Variants in SLC35F1 observed in about 807,000 individuals in gnomAD.
SLC35F1 encodes solute carrier family 35 member F1.
A neutral mutation model predicts 48.7 loss-of-function variants in SLC35F1; 14 were observed. The observed-to-expected ratio is 0.29, with a 90% CI of 0.19 to 0.45. The LOEUF (loss-of-function observed/expected upper bound fraction) is 0.45. Ranked by LOEUF, SLC35F1 falls within the 20% of genes least tolerant of loss-of-function variation. SLC35F1 has a pLI of 1.00. For missense variants in SLC35F1, 404 were observed against 500.0 expected, an observed-to-expected ratio of 0.81 and a Z score of 1.83; for synonymous variants, 190 against 202.2, an observed-to-expected ratio of 0.94 and a Z score of 0.51.
intron 1 of SLC35F1, among the ~76,000 whole-genome samples, chr6:117,963,936 C>T (rs1562249663): frequency 1.3e-5 from 2 of 152,190 alleles, no homozygotes; most frequent in Non-Finnish European, 2.9e-5. Context: ...TTAAGCCCCA[C>T]ATGCATTAAG....
At chr6:118,020,093 A>G (rs760326872) in intron 1 of SLC35F1, among the ~76,000 whole-genome samples, 1 of 152,162 alleles carries the variant, frequency 6.6e-6, no homozygotes, top group Non-Finnish European at 1.5e-5. Context: ...ACCCTTTATT[A>G]TCATGGAACT....
At chr6:117,908,272 C>G (rs1221033844) in intron 1 of SLC35F1, among the ~76,000 whole-genome samples, 1 of 152,186 alleles carries the variant, frequency 6.6e-6, no homozygotes, top group Non-Finnish European at 1.5e-5. Context: ...CGCGGGGACC[C>G]GGCCAGGGCT....
intron 1 of SLC35F1, among the ~76,000 whole-genome samples, chr6:117,971,750 C>T (rs1417173451): frequency 1.3e-5 from 2 of 152,210 alleles, no homozygotes; most frequent in African/African-American, 2.4e-5. Context: ...GTACATTGGC[C>T]CCTTTTAGCC....
chr6:118,050,943 A>C (rs900931640), intron 1 of SLC35F1, among the ~76,000 whole-genome samples: 1 of 152,104 alleles, frequency 6.6e-6, no homozygotes, highest in Non-Finnish European at 1.5e-5. Flanking sequence ...AGCTGATGAA[A>C]TCTCATGGAA....
intron 1 of SLC35F1, among the ~76,000 whole-genome samples, chr6:117,939,512 T>G (rs1230243185): frequency 6.6e-6 from 1 of 152,234 alleles, no homozygotes; most frequent in Non-Finnish European, 1.5e-5. Context: ...GATCTTGATC[T>G]TCTGTAACCC....
At chr6:118,070,953 A>ATACTATATATACATAG (rs1772698337) in intron 1 of SLC35F1, among the ~76,000 whole-genome samples, 2 of 89,518 alleles carry the variant, frequency 2.2e-5, no homozygotes, top group African/African-American at 8.3e-5. Context: ...TAGTATATAT[A>ATACTATATATACATAG]TACTGTGTAT....
chr6:118,169,541 C>A (rs1185237176), intron 2 of SLC35F1, among the ~76,000 whole-genome samples: 1 of 152,122 alleles, frequency 6.6e-6, no homozygotes, highest in African/African-American at 2.4e-5. Flanking sequence ...CACTATGAGA[C>A]CCTTACAGAT....
chr6:118,092,710 G>T (rs1000522065), intron 1 of SLC35F1, among the ~76,000 whole-genome samples: 1 of 152,190 alleles, frequency 6.6e-6, no homozygotes, highest in Admixed American at 6.5e-5. Context: ...TGTGCCCTGG[G>T]TGTGAGACAT....
chr6:118,227,297 C>A (rs1775231345), intron 2 of SLC35F1, among the ~76,000 whole-genome samples: 1 of 152,204 alleles, frequency 6.6e-6, no homozygotes, highest in African/African-American at 2.4e-5. Context: ...ATGTAGAAAA[C>A]TGCAACAGGT....
intron 1 of SLC35F1, among the ~76,000 whole-genome samples, chr6:118,061,752 G>T (rs1325232037): frequency 2.0e-5 from 3 of 152,212 alleles, no homozygotes; most frequent in Non-Finnish European, 4.4e-5. Flanking sequence ...GCTGGGGATG[G>T]TTTTGGGATG....
At chr6:118,133,498 T>G (rs1773747505) in intron 1 of SLC35F1, among the ~76,000 whole-genome samples, 1 of 152,202 alleles carries the variant, frequency 6.6e-6, no homozygotes. Context: ...ATAGAAAGGT[T>G]AATCATATTG....
rs576731490 is a variant in SLC35F1 at position 117,917,737 on chromosome 6, G to C, written c.173+9838G>C. 1.8e-4 allele frequency among the ~76,000 whole-genome samples: 14 copies of C among 76,920 alleles called. 1 individual carries two copies. The East Asian group carries it at 3.5e-3, about 19-fold the overall frequency. 50.5% of individuals were successfully genotyped at this position (76,920 alleles called of 152,430 possible). A position where few individuals can be genotyped will look rare whatever the true frequency, so the allele number is the denominator to read the frequency against. On this transcript the variant is annotated intron_variant, in intron 1 of 7. Coordinates refer to ENST00000360388, the MANE Select transcript of SLC35F1 (RefSeq NM_001029858.4). ...ACGGTCAAAAGAAAGCTGGAGTGTG[G>C]AATTCTGGGGAGAAGTCGGAGTGTG...
intron 2 of SLC35F1, among the ~76,000 whole-genome samples, chr6:118,187,411 T>C (rs1257435343): frequency 6.6e-6 from 1 of 152,232 alleles, no homozygotes; most frequent in Non-Finnish European, 1.5e-5. Context: ...AAAATAGTTC[T>C]CTGAGCAGAT....
intron 3 of SLC35F1, among the ~76,000 whole-genome samples, chr6:118,239,863 C>G (rs912516234): frequency 6.6e-6 from 1 of 152,110 alleles, no homozygotes; most frequent in East Asian, 1.9e-4. Context: ...GTTCTAGAAC[C>G]ATTTTTCCAC....
intron 1 of SLC35F1, among the ~76,000 whole-genome samples, chr6:118,023,941 T>A (rs905382216): frequency 1.3e-5 from 2 of 152,126 alleles, no homozygotes; most frequent in African/African-American, 4.8e-5. Flanking sequence ...CCCCAGTGAG[T>A]CATATCTACT....
In SLC35F1 at chr6:117,907,788, A is replaced by C; in HGVS notation, c.62A>C (p.His21Pro). The change falls in exon 1 of 8, where the codon CAT (histidine) becomes CCT (proline). Residue 21 changes from histidine to proline, a missense_variant. This residue lies in a region of SLC35F1 where 98 missense variants were observed against 81.0 expected (regional missense o/e 1.21). Transcript: ENST00000360388. ...CCGCCGTCGCCAGCCCCGCCGAACCATGTGGTGACCACCATCGAGAACCTG... is the reference window on the plus strand; with the variant it reads ...CCGCCGTCGCCAGCCCCGCCGAACCCTGTGGTGACCACCATCGAGAACCTG... Reference protein sequence around the residue: ...LQPPSPAPPNHVVTTIENLPA... With the variant: ...LQPPSPAPPNPVVTTIENLPA... 6.4e-7 allele frequency: 1 copy of C among 1,558,710 alleles called. No homozygotes were observed. The highest frequency in any genetic ancestry group is 8.6e-7 in the Non-Finnish European group (1 of 1,161,784).
chr6:118,058,015 C>G (rs952350222), intron 1 of SLC35F1, among the ~76,000 whole-genome samples: 1 of 152,108 alleles, frequency 6.6e-6, no homozygotes, highest in African/African-American at 2.4e-5. Context: ...CATCCACGCA[C>G]TTTCCTGTTA....
intron 7 of SLC35F1, among the ~76,000 whole-genome samples, chr6:118,294,752 A>C (rs1470067976): frequency 6.6e-6 from 1 of 152,176 alleles, no homozygotes; most frequent in Non-Finnish European, 1.5e-5. Flanking sequence ...AGAATATCTT[A>C]GGAAGATATG....
At chr6:118,185,367 A>T (rs901892449) in intron 2 of SLC35F1, among the ~76,000 whole-genome samples, 4 of 152,186 alleles carry the variant, frequency 2.6e-5, no homozygotes, top group Non-Finnish European at 5.9e-5. Context: ...CTAATTTTGC[A>T]TTAGCCCTGC....
Sources: gnomAD v4.1 joint callset for allele counts (sites outside exome capture counted in the v4.1 genomes callset) on GRCh38, gnomAD v4.1.1 for gene constraint, gnomAD v4.1.1 regional missense constraint, MANE v1.5 for transcripts, NCBI Gene and HGNC (gene_info 2026-07-23, HGNC 2026-07-21) for gene names.